The following OSBPL3 variants were observed in gnomAD, a reference collection of about 807,000 sequenced individuals.
OSBPL3 encodes the protein oxysterol-binding protein-related protein 3.
OSBPL3 carries 65 observed loss-of-function variants against 120.1 expected under a neutral mutation model. The ratio of observed to expected loss-of-function variants is 0.54; its 90% CI spans 0.44 to 0.67. The LOEUF (loss-of-function observed/expected upper bound fraction) is 0.67, where lower values mean the gene tolerates loss of function less well. Among genes scored for constraint, OSBPL3 ranks in the 30% least tolerant of loss-of-function variants. The probability of loss-of-function intolerance (pLI) is 0.00; values close to 1 mark genes in which losing one functional copy is unlikely to be tolerated. For synonymous variants in OSBPL3, 416 were observed against 402.6 expected (o/e 1.03, Z -0.40); for missense variants, 1,004 against 1,082.1 (o/e 0.93, Z 1.01).
At chr7:24,905,768 G>T (rs7787589) in intron 1 of OSBPL3, among the ~76,000 whole-genome samples, 90,960 of 152,014 alleles carry the variant, frequency 0.6, 28,040 homozygotes, top group East Asian at 0.78. Flanking sequence ...TGGTGGCTCA[G>T]GCCTGTAATC....
intron 1 of OSBPL3, among the ~76,000 whole-genome samples, chr7:24,917,031 G>T (rs1809661870): frequency 1.3e-5 from 2 of 152,144 alleles, no homozygotes; most frequent in African/African-American, 2.4e-5. Flanking sequence ...GAATTCCCAG[G>T]AGTAGAGGGG....
In OSBPL3 at chr7:24,919,483, C is replaced by T. The variant is rs372167518; in HGVS notation, c.-149-26862G>A. On this transcript the variant is annotated intron_variant, in intron 1 of 22. Coordinates refer to ENST00000313367, the MANE Select transcript of OSBPL3 (RefSeq NM_015550.4). ...ATGCAAAATAATAAAGTTGGGCCCC[C>T]TACCTCACACTATATACAAAAATTA... Among the ~76,000 whole-genome samples, 49 of 152,104 alleles carry T rather than the reference C, an allele frequency of 3.2e-4. 1 individual carries two copies. In the East Asian group the frequency reaches 9.3e-3, roughly 29 times the overall value.
At chr7:24,962,427 A>AGGAGAGAG (rs1554420655) in intron 1 of OSBPL3, among the ~76,000 whole-genome samples, 1 of 53,494 alleles carries the variant, frequency 1.9e-5, no homozygotes, top group Non-Finnish European at 3.5e-5. Context: ...AGGGGAGGGG[A>AGGAGAGAG]GAGGAGAGAG....
chr7:24,852,191 G>A lies in OSBPL3; in HGVS notation c.1158+313C>T, dbSNP rs1212211002. 6.6e-6 allele frequency among the ~76,000 whole-genome samples: 1 copy of A among 152,014 alleles called. No individual in the cohort carries two copies. Among genetic ancestry groups the A allele is most frequent in the African/African-American group, 2.4e-5 (1 of 41,384 alleles). On this transcript the variant is annotated intron_variant, in intron 11 of 22. Transcript: ENST00000313367. The surrounding 1 kb of genome is among the most constrained non-coding windows in gnomAD (Gnocchi z 4.1). The stretch of plus-strand genomic sequence containing the variant: ...CTGTCAGATTTTGTAAGCATTAACA[G>A]AAAAATGTCTGTAAGACACGCACAC...
rs1233230750 is a variant in OSBPL3 at position 24,813,106 on chromosome 7, A to G, written c.2172+1953T>C. Among the ~76,000 whole-genome samples the G allele has an allele frequency of 6.6e-6, 1 of 152,128 alleles. No individual in the cohort carries two copies. The highest frequency in any genetic ancestry group is 1.5e-5 in the Non-Finnish European group (1 of 68,022). On this transcript the variant is annotated intron_variant, in intron 19 of 22. Transcript: ENST00000313367. The surrounding 1 kb of genome is among the most constrained non-coding windows in gnomAD (Gnocchi z 4.5). ...ATTGCCCAGGCTGGTCTCAAATTTC[A>G]GGCCTCAAGTGAGCCTCCTGCTTCA...
At chr7:24,853,462 G>A (rs62449854) in intron 10 of OSBPL3, among the ~76,000 whole-genome samples, 11,514 of 152,222 alleles carry the variant, frequency 0.076, 586 homozygotes, top group Non-Finnish European at 0.12. Context: ...TCAATTTGAC[G>A]AAAGAGAAAG....
chr7:24,917,409 T>TATATATATATTTGTAAC (rs1809765788), intron 1 of OSBPL3, among the ~76,000 whole-genome samples: 2 of 135,008 alleles, frequency 1.5e-5, no homozygotes, highest in Admixed American at 7.3e-5. Context: ...AACATATATA[T>TATATATATATTTGTAAC]ATATATATAT....
intron 18 of OSBPL3, among the ~76,000 whole-genome samples, chr7:24,816,227 C>T (rs1022123728): frequency 2.0e-5 from 3 of 152,110 alleles, no homozygotes; most frequent in African/African-American, 7.2e-5. Context: ...AGGGTCTTGT[C>T]ATGTTGCCCA....
At position 24,900,973 on chromosome 7, in the gene OSBPL3, G is replaced by T. The variant is rs1409252982; in HGVS notation, c.-149-8352C>A. Among the ~76,000 whole-genome samples the T allele has an allele frequency of 6.7e-6, 1 of 149,076 alleles. No individual in the cohort carries two copies. Among genetic ancestry groups the T allele is most frequent in the African/African-American group, 2.5e-5 (1 of 40,474 alleles). ...GAGGCGGAGGTTGCAGTGAGCTGAG[G>T]TTTTGCCACTGCACTCCAGCCTGGG... On this transcript the variant is annotated intron_variant, in intron 1 of 22. Coordinates refer to ENST00000313367, the MANE Select transcript of OSBPL3 (RefSeq NM_015550.4). The surrounding 1 kb of genome is among the most constrained non-coding windows in gnomAD (Gnocchi z 4.5).
chr7:24,825,744 G>A lies in OSBPL3; in HGVS notation c.1884+5024C>T, dbSNP rs76617169. Among the ~76,000 whole-genome samples the A allele has an allele frequency of 3.3e-3, 499 of 152,260 alleles. 4 individuals are homozygous for A. Among genetic ancestry groups the A allele is most frequent in the African/African-American group, 0.011 (463 of 41,556 alleles). On this transcript the variant is annotated intron_variant, in intron 16 of 22. Transcript: ENST00000313367. The stretch of plus-strand genomic sequence containing the variant: ...AAGGAGGAAGTGATGGGTGTGGCAA[G>A]TATAAGCCTGTCCAAGAATGTATGG...
At chr7:24,880,236 T>C (rs987985096) in intron 2 of OSBPL3, among the ~76,000 whole-genome samples, 27 of 152,288 alleles carry the variant, frequency 1.8e-4, no homozygotes, top group Non-Finnish European at 2.9e-4. Flanking sequence ...CCAAATTAGT[T>C]TGTGCAAGAT....
chr7:24,811,864 T>A (rs1793843257), intron 19 of OSBPL3, among the ~76,000 whole-genome samples: 1 of 152,230 alleles, frequency 6.6e-6, no homozygotes, highest in South Asian at 2.1e-4. Flanking sequence ...TATGTATCTG[T>A]TTTTATGCTT....
Position 24,806,976 on chromosome 7 carries a change from C to A in OSBPL3, c.2318-74G>T. The A allele has an allele frequency of 7.3e-7, 1 of 1,372,154 alleles. No individual in the cohort carries two copies. The highest frequency in any genetic ancestry group is 1.5e-5 in the South Asian group (1 of 67,384). The allele number at this position is 1,372,154 out of a possible 1,614,324, so 85.0% of individuals were successfully genotyped here. A position where few individuals can be genotyped will look rare whatever the true frequency, so the allele number is the denominator to read the frequency against. ...TACATTTTAATTCCTTCACCTTTTT[C>A]GTCTCAGCCTAGCTACAATTTTTCT... On this transcript the variant is annotated intron_variant, in intron 20 of 22. Coordinates refer to ENST00000313367, the MANE Select transcript of OSBPL3 (RefSeq NM_015550.4). The surrounding 1 kb of genome is among the most constrained non-coding windows in gnomAD (Gnocchi z 5.2).
At chr7:24,840,648 G>A (rs748762475) in intron 14 of OSBPL3, 42 bp downstream of exon 14, 5 of 886,962 alleles carry the variant, frequency 5.6e-6, no homozygotes, top group Non-Finnish European at 7.0e-6. Flanking sequence ...AGTATTGTAT[G>A]AAAATCCAAA....
chr7:24,923,532 G>A (rs2128453340), intron 1 of OSBPL3, among the ~76,000 whole-genome samples: 1 of 152,242 alleles, frequency 6.6e-6, no homozygotes, highest in South Asian at 2.1e-4. Context: ...ACCATGAGCT[G>A]GGCAAGCAGG....
Position 24,979,982 on chromosome 7 carries a change from G to A in OSBPL3, c.-246C>T, listed in dbSNP as rs946055553. ...GGAGAAGGCAACCCCGGCTTCTCCG[G>A]TACCCCCGCAACGTGCAGCTGACAG... On this transcript the variant is annotated 5_prime_UTR_variant, in exon 1 of 23. Coordinates refer to ENST00000313367, the MANE Select transcript of OSBPL3 (RefSeq NM_015550.4). 4 of 985,224 alleles carry A rather than the reference G, an allele frequency of 4.1e-6. No individual in the cohort carries two copies. The highest frequency in any genetic ancestry group is 4.8e-6 in the Non-Finnish European group (4 of 829,968). 61.0% of individuals were successfully genotyped at this position (985,224 alleles called of 1,614,324 possible).
rs770244593 is a variant in OSBPL3 at position 24,820,212 on chromosome 7, C to T, written c.1911G>A (p.Ala637=). The T allele has an allele frequency of 2.5e-5, 40 of 1,612,388 alleles. 1 individual carries two copies. Among genetic ancestry groups the T allele is most frequent in the South Asian group, 1.8e-4 (16 of 90,908 alleles). The stretch of plus-strand genomic sequence containing the variant: ...CAAAATTTCTAGACTCAGCATGACA[C>T]GCAGAGATAGGCGGATGGTGGCTGA... ...EQVSHHPPIS[A]CHAESRNFVF... is the part of the protein sequence containing the mutation. The change falls in exon 17 of 23, where the codon GCG becomes GCA. Residue 637 remains alanine, a synonymous_variant. Transcript: ENST00000313367. The surrounding 1 kb of genome is among the most constrained non-coding windows in gnomAD (Gnocchi z 4.6).
In OSBPL3 at chr7:24,813,498, T is replaced by C. The variant is rs762478923; in HGVS notation, c.2172+1561A>G. On this transcript the variant is annotated intron_variant, in intron 19 of 22. Transcript: ENST00000313367. This position sits in a 1 kb window ranked among gnomAD's most constrained non-coding sequence, Gnocchi z 4.5. The stretch of plus-strand genomic sequence containing the variant: ...ACGGGTAACATATCCCTGCTTCAGG[T>C]TGCCTTTTGTTTCTGTTTGCAGAGA... 6.6e-6 allele frequency among the ~76,000 whole-genome samples: 1 copy of C among 152,214 alleles called. No individual in the cohort carries two copies. Among genetic ancestry groups the C allele is most frequent in the Non-Finnish European group, 1.5e-5 (1 of 68,038 alleles).
At chr7:24,950,807 A>G (rs1375867726) in intron 1 of OSBPL3, among the ~76,000 whole-genome samples, 2 of 152,240 alleles carry the variant, frequency 1.3e-5, no homozygotes, top group African/African-American at 4.8e-5. Context: ...AGGGTCATTC[A>G]GAACAAATTA....
Sources: allele counts gnomAD v4.1 joint callset (sites outside exome capture counted in the v4.1 genomes callset), GRCh38; gene constraint gnomAD v4.1.1; non-coding constraint Gnocchi (gnomAD v3.1); transcripts MANE v1.5; gene names NCBI Gene and HGNC (gene_info 2026-07-23, HGNC 2026-07-21).